NAA25: variants seen among roughly 807,000 people sequenced by gnomAD.
NAA25 encodes N-alpha-acetyltransferase 25, NatB auxiliary subunit.
A neutral mutation model predicts 132.5 loss-of-function variants in NAA25; 30 were observed. The ratio of observed to expected loss-of-function variants is 0.23; its 90% confidence interval spans 0.17 to 0.31. The LOEUF is 0.31. Among genes scored for constraint, NAA25 ranks in the 10% least tolerant of loss-of-function variants. The probability of loss-of-function intolerance (pLI) is 1.00; values close to 1 mark genes in which losing one functional copy is unlikely to be tolerated. For synonymous variants in NAA25, 359 were observed against 401.9 expected (o/e 0.89, Z 1.28); for missense variants, 771 against 1,150.4 (o/e 0.67, Z 4.77).
chr12:112,098,134 A>AC lies in NAA25; in HGVS notation c.59-4999_59-4998insG, dbSNP rs1294384474. Among the ~76,000 whole-genome samples, 351 of 151,034 alleles carry AC rather than the reference A, an allele frequency of 2.3e-3. 1 individual carries two copies. The highest frequency in any genetic ancestry group is 3.9e-3 in the Non-Finnish European group (263 of 67,730). On this transcript the variant is annotated intron_variant, in intron 1 of 23. Transcript: ENST00000261745. ...GACTCCATCTCAAAAAAAAAAAAAA[A>AC]AAAAAAACCAAGCAGAGAAATGAAT... is the stretch of plus-strand genomic sequence containing the variant.
intron 1 of NAA25, among the ~76,000 whole-genome samples, chr12:112,100,090 T>A (rs1036388476): frequency 6.6e-6 from 1 of 152,216 alleles, no homozygotes; most frequent in Non-Finnish European, 1.5e-5. Flanking sequence ...ATACCTACCA[T>A]GTGCAAGATT....
chr12:112,032,601 C>A (rs1417429648), intron 23 of NAA25, among the ~76,000 whole-genome samples: 1 of 152,214 alleles, frequency 6.6e-6, no homozygotes, highest in African/African-American at 2.4e-5. Flanking sequence ...CCACCACTGT[C>A]CTTCTTGCCC....
chr12:112,091,475 G>A (rs2079129729), intron 2 of NAA25, among the ~76,000 whole-genome samples: 1 of 151,846 alleles, frequency 6.6e-6, no homozygotes. Context: ...GATTGCTTGA[G>A]CCCACAAATT....
intron 11 of NAA25, among the ~76,000 whole-genome samples, chr12:112,065,360 C>T (rs2078700564): frequency 6.6e-6 from 1 of 152,174 alleles, no homozygotes; most frequent in African/African-American, 2.4e-5. Context: ...ATTAGCTAGG[C>T]ATGGTGGCGG....
At chr12:112,048,037 G>T (rs1437095709) in intron 16 of NAA25, among the ~76,000 whole-genome samples, 1 of 152,118 alleles carries the variant, frequency 6.6e-6, no homozygotes, top group African/African-American at 2.4e-5. Flanking sequence ...AGGGGAGGCG[G>T]AACCTTCGTA....
intron 13 of NAA25, among the ~76,000 whole-genome samples, chr12:112,056,602 C>T (rs2078550216): frequency 6.6e-6 from 1 of 152,152 alleles, no homozygotes; most frequent in South Asian, 2.1e-4. Context: ...CTTCCTAAAA[C>T]ACTCAATCCT....
chr12:112,029,376 T>C lies in NAA25; in HGVS notation c.*155A>G. The stretch of plus-strand genomic sequence containing the variant: ...ATACAATAATTTAATCAGTTGTATA[T>C]ATTTAACACCTAAAAAAATTCACGA... On this transcript the variant is annotated 3_prime_UTR_variant, in exon 24 of 24. Transcript: ENST00000261745. The C allele has an allele frequency of 8.3e-7, 1 of 1,207,858 alleles. No individual in the cohort carries two copies. The highest frequency in any genetic ancestry group is 1.1e-6 in the Non-Finnish European group (1 of 872,304). The allele number at this position is 1,207,858 out of a possible 1,614,324, so 74.8% of individuals were successfully genotyped here.
At chr12:112,074,341 CAA>C (rs34077129) in intron 9 of NAA25, among the ~76,000 whole-genome samples, 5 of 34,908 alleles carry the variant, frequency 1.4e-4, no homozygotes, top group Non-Finnish European at 2.4e-4. Flanking sequence ...AACTCCATCT[CAA>C]AAAAAAAAAA....
chr12:112,099,827 T>A (rs531658508), intron 1 of NAA25, among the ~76,000 whole-genome samples: 3 of 152,350 alleles, frequency 2.0e-5, no homozygotes, highest in African/African-American at 7.2e-5. Flanking sequence ...TTCATCTGCA[T>A]GTTCTTGCAG....
chr12:112,068,774 C>G, intron 11 of NAA25, 106 bp downstream of exon 11: 1 of 640,358 alleles, frequency 1.6e-6, no homozygotes, highest in South Asian at 2.1e-5. Flanking sequence ...CATTGTATCT[C>G]ATGATTATCA....
At chr12:112,058,287 T>TA (rs779743409) in intron 13 of NAA25, among the ~76,000 whole-genome samples, 14 of 152,196 alleles carry the variant, frequency 9.2e-5, no homozygotes, top group Non-Finnish European at 1.3e-4. Context: ...GAGTAAAACT[T>TA]AGATGAGGGA....
chr12:112,046,104 A>AG (rs2078377252), intron 17 of NAA25, among the ~76,000 whole-genome samples: 7 of 152,218 alleles, frequency 4.6e-5, no homozygotes, highest in Admixed American at 4.6e-4. Flanking sequence ...TAAAATGGTA[A>AG]GAGTGACTCG....
chr12:112,096,022 G>A (rs926823135), intron 1 of NAA25, among the ~76,000 whole-genome samples: 11 of 152,264 alleles, frequency 7.2e-5, no homozygotes, highest in African/African-American at 1.4e-4. Context: ...GGTAACAAAC[G>A]TATATGAATC....
chr12:112,075,934 G>C (rs1192565112), intron 7 of NAA25, 145 bp from the exon 8 acceptor site: 6 of 596,624 alleles, frequency 1.0e-5, no homozygotes, highest in African/African-American at 1.9e-5. Context: ...CCAGGCTGGA[G>C]TGCAATGGCA....
At chr12:112,104,557 C>T (rs1048770820) in intron 1 of NAA25, among the ~76,000 whole-genome samples, 1 of 152,162 alleles carries the variant, frequency 6.6e-6, no homozygotes, top group Non-Finnish European at 1.5e-5. Context: ...AATAATGGGG[C>T]CAGGTGCAGT....
intron 4 of NAA25, among the ~76,000 whole-genome samples, chr12:112,086,685 A>G (rs1298777644): frequency 2.0e-5 from 3 of 152,074 alleles, no homozygotes; most frequent in Non-Finnish European, 4.4e-5. Flanking sequence ...CCTTCAGAAG[A>G]TATTATACCC....
chr12:112,038,620 G>C (rs1191049556), intron 22 of NAA25, among the ~76,000 whole-genome samples: 4 of 152,052 alleles, frequency 2.6e-5, no homozygotes, highest in Non-Finnish European at 5.9e-5. Context: ...CATATGCAGG[G>C]ATGTCCAATC....
chr12:112,097,496 A>G, intron 1 of NAA25: 1 of 151,372 alleles, frequency 6.6e-6, no homozygotes, highest in Non-Finnish European at 1.5e-5. Context: ...AGTCCCAGCT[A>G]CTCGGGAGGC....
At chr12:112,105,145 T>C (rs533890264) in intron 1 of NAA25, among the ~76,000 whole-genome samples, 17 of 150,902 alleles carry the variant, frequency 1.1e-4, no homozygotes, top group African/African-American at 4.1e-4. Context: ...CATGGTGAAA[T>C]GCTGTCTCTA....
Sources: gnomAD v4.1 joint callset for allele counts (sites outside exome capture counted in the v4.1 genomes callset) on GRCh38, gnomAD v4.1.1 for gene constraint, MANE v1.5 for transcripts, NCBI Gene and HGNC (gene_info 2026-07-23, HGNC 2026-07-21) for gene names.